Variants in SLC36A3 observed in about 807,000 individuals in gnomAD.
SLC36A3 encodes the protein proton-coupled amino acid transporter 3.
Under a neutral mutation model 44.3 loss-of-function variants are expected in SLC36A3, and 35 were observed. The observed-to-expected ratio is 0.79, with a 90% CI of 0.60 to 1.05. The LOEUF (loss-of-function observed/expected upper bound fraction) is 1.05, where lower values mean the gene tolerates loss of function less well. SLC36A3 is among the 50% of genes least tolerant of loss of function. The probability of loss-of-function intolerance (pLI) is 0.00; values close to 1 mark genes in which losing one functional copy is unlikely to be tolerated. For missense variants in SLC36A3, 540 were observed against 578.7 expected (o/e 0.93, Z 0.69); for synonymous variants, 211 against 227.6 (o/e 0.93, Z 0.66).
chr5:151,291,801 C>T (rs956448271), intron 4 of SLC36A3, among the ~76,000 whole-genome samples: 1 of 152,142 alleles, frequency 6.6e-6, no homozygotes, highest in Non-Finnish European at 1.5e-5. Context: ...GTGACCATTC[C>T]TCTAACAGCT....
intron 3 of SLC36A3, among the ~76,000 whole-genome samples, chr5:151,293,905 CT>C (rs1754857165): frequency 6.6e-6 from 1 of 152,244 alleles, no homozygotes; most frequent in South Asian, 2.1e-4. Context: ...GCCCAGCCCC[CT>C]GTAGGATGTG....
intron 9 of SLC36A3, among the ~76,000 whole-genome samples, chr5:151,280,165 A>C (rs1239975598): frequency 6.6e-6 from 1 of 152,148 alleles, no homozygotes; most frequent in Non-Finnish European, 1.5e-5. Flanking sequence ...CAGCCAAAAA[A>C]TGATCTCTGG....
In SLC36A3 at chr5:151,293,390, C is replaced by T. The variant is rs750927732; in HGVS notation, c.378G>A (p.Trp126Ter). Residue 126 changes from tryptophan (W) to a stop codon, truncating the protein, a stop_gained, in exon 4 of 10, where the codon TGG becomes TGA. Transcript: ENST00000335230. LOFTEE classifies it high-confidence loss of function. ...MYGLETCPNT[W>*]LRAHAVWGRY... ...TTCCCCACACTGCATGGGCCCTCAG[C>T]CAGGTGTTCGGGCAGGTTTCAAGGC... 3 of 1,613,726 alleles carry T rather than the reference C, an allele frequency of 1.9e-6. No individual in the cohort carries two copies. The Admixed American group carries it at 5.0e-5, about 27-fold the overall frequency.
At position 151,303,639 on chromosome 5, in the gene SLC36A3, A is replaced by G; in HGVS notation, c.-285T>C. 2.9e-6 allele frequency: 1 copy of G among 347,066 alleles called. No homozygotes were observed. Among genetic ancestry groups the G allele is most frequent in the Non-Finnish European group, 5.3e-6 (1 of 189,646 alleles). 21.5% of individuals were successfully genotyped at this position (347,066 alleles called of 1,614,324 possible). On this transcript the variant is annotated 5_prime_UTR_variant, in exon 1 of 10. Coordinates refer to ENST00000335230, the MANE Select transcript of SLC36A3 (RefSeq NM_181774.4). ...ACTCGCAATTGCTTGCCCAACCAGG[A>G]CTTGCCTGGGCTTTTGGCCTCTCCT...
intron 2 of SLC36A3, chr5:151,297,964 AAAT>A (rs1755016865): frequency 6.6e-6 from 1 of 152,110 alleles, no homozygotes; most frequent in Non-Finnish European, 1.5e-5. Context: ...CTGTCTCAAT[AAAT>A]AATAATAAAT....
chr5:151,295,760 C>G (rs2127269497), intron 3 of SLC36A3, among the ~76,000 whole-genome samples: 1 of 152,198 alleles, frequency 6.6e-6, no homozygotes, highest in East Asian at 1.9e-4. Flanking sequence ...ATGCTTTTTA[C>G]TTTTACTAAC....
chr5:151,303,025 T>C (rs915268865), intron 1 of SLC36A3, among the ~76,000 whole-genome samples: 10 of 152,172 alleles, frequency 6.6e-5, no homozygotes, highest in African/African-American at 2.4e-4. Context: ...AGCTGGGTTC[T>C]TCGTAAAAAC....
intron 8 of SLC36A3, among the ~76,000 whole-genome samples, chr5:151,281,487 G>A (rs115601666): frequency 3.3e-5 from 5 of 152,286 alleles, no homozygotes; most frequent in Non-Finnish European, 7.4e-5. Flanking sequence ...CAGTAGGCCT[G>A]CAGCTCAGGA....
At chr5:151,283,983 T>C in intron 8 of SLC36A3, 61 bp downstream of exon 8, 3 of 1,529,796 alleles carry the variant, frequency 2.0e-6, no homozygotes, top group South Asian at 2.6e-5. Context: ...TGCTCTCTGC[T>C]ATGACAACCA....
At chr5:151,287,640 G>A (rs186492590) in intron 5 of SLC36A3, among the ~76,000 whole-genome samples, 176 bp from the exon 6 acceptor site, 1 of 152,278 alleles carries the variant, frequency 6.6e-6, no homozygotes, top group African/African-American at 2.4e-5. Context: ...TATCATAACT[G>A]GGTATCATAT....
In SLC36A3 at chr5:151,277,462, G is replaced by T. The variant is rs563362477; in HGVS notation, c.1344C>A (p.Tyr448Ter). 6.2e-7 allele frequency: 1 copy of T among 1,614,160 alleles called. No homozygotes were observed. The highest frequency in any genetic ancestry group is 2.2e-5 in the East Asian group (1 of 44,888). The change falls in exon 10 of 10, where the codon TAC becomes TAA. Residue 448 changes from tyrosine to a stop codon, truncating the protein, a stop_gained. Coordinates refer to ENST00000335230, the MANE Select transcript of SLC36A3 (RefSeq NM_181774.4). LOFTEE classifies it low-confidence loss of function (END_TRUNC). ...GTTGGGGCAACTCATAGAGGGCTTG[G>T]TATGTCCCAAATATACACCCTAAAA... is the stretch of plus-strand genomic sequence containing the variant. ...VGLLGCIFGT[Y>*]QALYELPQPI...
intron 4 of SLC36A3, 85 bp from the exon 5 acceptor site, chr5:151,288,555 A>G (rs1282559007): frequency 1.9e-6 from 2 of 1,063,808 alleles, no homozygotes; most frequent in Non-Finnish European, 2.6e-6. Flanking sequence ...TGAAACAATT[A>G]TTTTTGTTAT....
chr5:151,294,165 G>A lies in SLC36A3; in HGVS notation c.309-706C>T, dbSNP rs140194402. Reference sequence around the variant, plus strand: ...TGACCCTCAGGTAGCCAGACATGTAGAGCCAGTCTCTTGAGATCTCTGGGC... The same window carrying A: ...TGACCCTCAGGTAGCCAGACATGTAAAGCCAGTCTCTTGAGATCTCTGGGC... On this transcript the variant is annotated intron_variant, in intron 3 of 9. Coordinates refer to ENST00000335230, the MANE Select transcript of SLC36A3 (RefSeq NM_181774.4). 1.2e-3 allele frequency among the ~76,000 whole-genome samples: 181 copies of A among 152,328 alleles called. 1 individual carries two copies. The highest frequency in any genetic ancestry group is 4.0e-3 in the African/African-American group (168 of 41,562).
At chr5:151,287,642 G>T (rs558380794) in intron 5 of SLC36A3, among the ~76,000 whole-genome samples, 178 bp from the exon 6 acceptor site, 1 of 152,076 alleles carries the variant, frequency 6.6e-6, no homozygotes, top group Admixed American at 6.6e-5. Context: ...TCATAACTGG[G>T]TATCATATAT....
chr5:151,299,394 T>TATTA (rs58121505), intron 1 of SLC36A3, among the ~76,000 whole-genome samples: 1 of 133,026 alleles, frequency 7.5e-6, no homozygotes, highest in East Asian at 2.0e-4. Flanking sequence ...TATATATATA[T>TATTA]TATATATATA....
In SLC36A3 at chr5:151,293,478, C is replaced by CA; in HGVS notation, c.309-20dup. ...CTGCAGTCTAGGGGGAAAGAACAAACAATGCATAATTTAAAACATTTTTGT... is the reference window on the plus strand; with the variant it reads ...CTGCAGTCTAGGGGGAAAGAACAAACAAATGCATAATTTAAAACATTTTTGT... On this transcript the variant is annotated intron_variant, in intron 3 of 9. Transcript: ENST00000335230. 1 of 1,591,196 alleles carries CA rather than the reference C, an allele frequency of 6.3e-7. No individual in the cohort carries two copies. Among genetic ancestry groups the CA allele is most frequent in the Non-Finnish European group, 8.6e-7 (1 of 1,163,520 alleles).
Position 151,281,180 on chromosome 5 carries a change from C to A in SLC36A3, c.978G>T (p.Leu326Phe), listed in dbSNP as rs1006649081. Residue 326 changes from leucine to phenylalanine, a missense_variant, in exon 9 of 10, where the codon TTG (leucine) becomes TTT (phenylalanine). Coordinates refer to ENST00000335230, the MANE Select transcript of SLC36A3 (RefSeq NM_181774.4). The part of the protein sequence containing the change: ...SITLNLPNCW[L>F]YQSVKLMYSI... ...AGTACATCAGCTTGACTGACTGGTA[C>A]AACCTGCAGACACATGAATTGGATG... 8 of 1,606,774 alleles carry A rather than the reference C, an allele frequency of 5.0e-6. No homozygotes were observed. Among genetic ancestry groups the A allele is most frequent in the Non-Finnish European group, 6.8e-6 (8 of 1,176,070 alleles).
chr5:151,284,164 AAAG>A lies in SLC36A3; in HGVS notation c.851_853del (p.Ser284del). 6 of 1,613,730 alleles carry A rather than the reference AAAG, an allele frequency of 3.7e-6. No individual in the cohort carries two copies. The highest frequency in any genetic ancestry group is 4.2e-6 in the Non-Finnish European group (5 of 1,179,878). ...AATGGACATCCCCAAGTACAGAACA[AAAG>A]AAAACTGCTGTGGATGCTTCATCTG... On this transcript the variant is annotated inframe_deletion, in exon 8 of 10. Transcript: ENST00000335230.
rs772367339 is a variant in SLC36A3, at chr5:151,288,424, T to C, written c.451A>G (p.Ser151Gly). Residue 151 changes from serine to glycine, a missense_variant, in exon 5 of 10, where the codon AGT (serine) becomes GGT (glycine). By Grantham distance (56) the Ser-to-Gly change is moderately conservative (BLOSUM62 0). Coordinates refer to ENST00000335230, the MANE Select transcript of SLC36A3 (RefSeq NM_181774.4). ...TCTGCCATAAACATAAAATAAACAC[T>C]GCAGAAGCCCAGCTGGGTGATGACT... ...LLVITQLGFC[S>G]VYFMFMADNL... 8 of 1,602,124 alleles carry C rather than the reference T, an allele frequency of 5.0e-6. No individual in the cohort carries two copies. In the Admixed American group the frequency reaches 1.4e-4, roughly 27 times the overall value.
Sources: gnomAD v4.1 joint callset for allele counts (sites outside exome capture counted in the v4.1 genomes callset) on GRCh38, gnomAD v4.1.1 for gene constraint, MANE v1.5 for transcripts, NCBI Gene and HGNC (gene_info 2026-07-23, HGNC 2026-07-21) for gene names.